JAZF1: variants seen among roughly 807,000 people sequenced by gnomAD.
JAZF1 encodes JAZF zinc finger 1, also known as juxtaposed with another zinc finger protein 1.
A neutral mutation model predicts 26.4 loss-of-function variants in JAZF1; 8 were observed. The ratio of observed to expected loss-of-function variants is 0.30; its 90% CI spans 0.18 to 0.55. The LOEUF is 0.55. JAZF1 is among the 20% of genes least tolerant of loss of function. The pLI is 0.94. For missense variants in JAZF1, 199 were observed against 322.0 expected (o/e 0.62, Z 2.92); for synonymous variants, 126 against 122.3 (o/e 1.03, Z -0.20).
At chr7:27,914,770 G>A (rs1173669382) in intron 2 of JAZF1, 1 of 471,156 alleles carries the variant, frequency 2.1e-6, no homozygotes, top group Admixed American at 2.3e-5. Flanking sequence ...TGCTACAGTA[G>A]ATCGGTTCAG....
At chr7:27,872,098 C>T (rs1014140070) in intron 3 of JAZF1, among the ~76,000 whole-genome samples, 15 of 152,176 alleles carry the variant, frequency 9.9e-5, no homozygotes, top group African/African-American at 2.4e-4. Flanking sequence ...TAAACTCGTC[C>T]CCGCCAGCAA....
intron 1 of JAZF1, among the ~76,000 whole-genome samples, chr7:28,023,002 C>T (rs1279028669): frequency 2.0e-5 from 3 of 152,176 alleles, no homozygotes. Flanking sequence ...AGTCTTTATT[C>T]TCTAGAGGTC....
At chr7:28,049,000 C>A (rs894937238) in intron 1 of JAZF1, among the ~76,000 whole-genome samples, 1 of 143,062 alleles carries the variant, frequency 7.0e-6, no homozygotes, top group Non-Finnish European at 1.5e-5. Flanking sequence ...TCCTTCCTTC[C>A]CTTCCTTCCT....
At chr7:28,097,466 ATAAAT>A (rs1164189504) in intron 1 of JAZF1, among the ~76,000 whole-genome samples, 2 of 152,378 alleles carry the variant, frequency 1.3e-5, no homozygotes, top group Admixed American at 1.3e-4. Flanking sequence ...TAAGCCCTGT[ATAAAT>A]TAGTTAAGCC....
intron 1 of JAZF1, among the ~76,000 whole-genome samples, chr7:28,065,418 C>T (rs141704561): frequency 5.9e-5 from 9 of 151,914 alleles, no homozygotes; most frequent in Non-Finnish European, 1.2e-4. Context: ...GTGAGAGAAG[C>T]GGGGAGGCGC....
intron 3 of JAZF1, among the ~76,000 whole-genome samples, chr7:27,850,951 T>C (rs1449744948): frequency 2.6e-5 from 4 of 151,774 alleles, no homozygotes; most frequent in African/African-American, 9.7e-5. Flanking sequence ...TTAAAATAAT[T>C]TTTTTTTTGA....
chr7:28,103,031 T>A (rs1008720759), intron 1 of JAZF1, among the ~76,000 whole-genome samples: 1 of 152,138 alleles, frequency 6.6e-6, no homozygotes, highest in Admixed American at 6.5e-5. Context: ...TTACGACCGA[T>A]TGATGTAACC....
chr7:28,071,417 C>A (rs970469315), intron 1 of JAZF1, among the ~76,000 whole-genome samples: 1 of 152,200 alleles, frequency 6.6e-6, no homozygotes, highest in Non-Finnish European at 1.5e-5. Flanking sequence ...GAAAACCCTG[C>A]CTCAACTGCC....
chr7:28,024,562 G>A (rs1358310172), intron 1 of JAZF1, among the ~76,000 whole-genome samples: 1 of 152,130 alleles, frequency 6.6e-6, no homozygotes, highest in Non-Finnish European at 1.5e-5. Flanking sequence ...GAGGAAACAG[G>A]TATGAGAACA....
chr7:27,930,859 A>T lies in JAZF1; in HGVS notation c.189-35443T>A, dbSNP rs1262038796. 7.2e-5 allele frequency among the ~76,000 whole-genome samples: 11 copies of T among 152,250 alleles called. No individual in the cohort carries two copies. The East Asian group carries it at 1.2e-3, about 16-fold the overall frequency. On this transcript the variant is annotated intron_variant, in intron 2 of 4. Transcript: ENST00000283928. ...AAAAAAAAAAGGAAGAGATAAGTTG[A>T]CAAAACAATATGCTAAATATAACAC...
At chr7:27,994,715 G>A (rs954007400) in intron 1 of JAZF1, among the ~76,000 whole-genome samples, 7 of 152,192 alleles carry the variant, frequency 4.6e-5, no homozygotes, top group East Asian at 1.9e-4. Flanking sequence ...CAGTGCTACC[G>A]GAGGAGTCAA....
intron 1 of JAZF1, among the ~76,000 whole-genome samples, chr7:28,079,187 T>C (rs945540811): frequency 1.5e-4 from 23 of 152,070 alleles, no homozygotes; most frequent in Non-Finnish European, 2.9e-4. Context: ...GAGACAGGGT[T>C]TCACCAAGTT....
chr7:27,855,250 C>G (rs913570217), intron 3 of JAZF1, among the ~76,000 whole-genome samples: 1 of 151,998 alleles, frequency 6.6e-6, no homozygotes, highest in African/African-American at 2.4e-5. Context: ...ATTTATAGCA[C>G]TAAATGCCCA....
chr7:27,968,000 A>C (rs1785308263), intron 2 of JAZF1, among the ~76,000 whole-genome samples: 1 of 152,272 alleles, frequency 6.6e-6, no homozygotes, highest in Admixed American at 6.5e-5. Context: ...TGCTACGTGC[A>C]CAAAAAGACT....
chr7:27,841,863 C>A (rs1782930870), intron 3 of JAZF1: 1 of 152,054 alleles, frequency 6.6e-6, no homozygotes, highest in African/African-American at 2.4e-5. Flanking sequence ...GTTGACAAGT[C>A]CTAATGCATT....
chr7:27,932,754 T>G (rs1784704210), intron 2 of JAZF1, among the ~76,000 whole-genome samples: 1 of 152,196 alleles, frequency 6.6e-6, no homozygotes, highest in Non-Finnish European at 1.5e-5. Flanking sequence ...TCACTCACAC[T>G]CCTGCAAACC....
intron 1 of JAZF1, among the ~76,000 whole-genome samples, chr7:28,121,220 C>T (rs188507398): frequency 4.7e-5 from 7 of 148,874 alleles, no homozygotes; most frequent in African/African-American, 1.5e-4. Context: ...AAAAAAAATC[C>T]GGAGGTTCCC....
At chr7:27,898,218 A>G (rs1205863074) in intron 2 of JAZF1, among the ~76,000 whole-genome samples, 1 of 151,028 alleles carries the variant, frequency 6.6e-6, no homozygotes, top group East Asian at 2.0e-4. Flanking sequence ...GAGGGTGCAT[A>G]TCCAGTGTAA....
chr7:27,871,600 C>G (rs1163621030), intron 3 of JAZF1, among the ~76,000 whole-genome samples: 1 of 152,296 alleles, frequency 6.6e-6, no homozygotes, highest in East Asian at 1.9e-4. Flanking sequence ...GTCCAAGAAG[C>G]CTGCACAGTA....
Sources: gnomAD v4.1 joint callset for allele counts (sites outside exome capture counted in the v4.1 genomes callset) on GRCh38, gnomAD v4.1.1 for gene constraint, MANE v1.5 for transcripts, NCBI Gene and HGNC (gene_info 2026-07-23, HGNC 2026-07-21) for gene names.